The following ST3GAL4 variants were observed in gnomAD, a reference collection of about 807,000 sequenced individuals.
The protein encoded by ST3GAL4 is ST3 beta-galactoside alpha-2,3-sialyltransferase 4.
In ST3GAL4, 24 loss-of-function variants were observed where a neutral mutation model predicts 42.6. That is an observed-to-expected ratio of 0.56 (90% CI 0.41 to 0.79). The LOEUF (loss-of-function observed/expected upper bound fraction) is 0.79, where lower values mean the gene tolerates loss of function less well. ST3GAL4 is among the 30% of genes least tolerant of loss of function. The probability of loss-of-function intolerance (pLI) is 0.00; values close to 1 mark genes in which losing one functional copy is unlikely to be tolerated. For missense variants in ST3GAL4, 311 were observed against 430.8 expected (o/e 0.72, Z 2.46); for synonymous variants, 135 against 163.2 (o/e 0.83, Z 1.32).
Position 126,386,943 on chromosome 11 carries a change from A to G in ST3GAL4, c.-60-19153A>G, listed in dbSNP as rs1057478273. Reference sequence around the variant, plus strand: ...GGAGAAGCCCTGCACCAGAGCATACAGTTTGGCAAGTAGGAGGAGGGCTGG... The same window carrying G: ...GGAGAAGCCCTGCACCAGAGCATACGGTTTGGCAAGTAGGAGGAGGGCTGG... On this transcript the variant is annotated intron_variant, in intron 1 of 10. Transcript: ENST00000444328. This position sits in a 1 kb window ranked among gnomAD's most constrained non-coding sequence, Gnocchi z 4.7. 1.3e-5 allele frequency among the ~76,000 whole-genome samples: 2 copies of G among 151,770 alleles called. No homozygotes were observed. The highest frequency in any genetic ancestry group is 2.9e-5 in the Non-Finnish European group (2 of 67,920).
intron 1 of ST3GAL4, among the ~76,000 whole-genome samples, chr11:126,394,722 G>A (rs1262581649): frequency 6.6e-6 from 1 of 151,954 alleles, no homozygotes; most frequent in Non-Finnish European, 1.5e-5. Context: ...ACGGGGCCCT[G>A]CCCTGGGTAT....
rs892345911 is a variant in ST3GAL4, at chr11:126,392,899, G to A, written c.-60-13197G>A. ...AGAGGAGGCCGGAAGAGAGGTCTGG[G>A]CTTGGGTCCCAACCACTGATTCCAG... On this transcript the variant is annotated intron_variant, in intron 1 of 10. Coordinates refer to ENST00000444328, the MANE Select transcript of ST3GAL4 (RefSeq NM_001254757.2). This position sits in a 1 kb window ranked among gnomAD's most constrained non-coding sequence, Gnocchi z 5.8. Among the ~76,000 whole-genome samples, 2 of 151,904 alleles carry A rather than the reference G, an allele frequency of 1.3e-5. No individual in the cohort carries two copies. The highest frequency in any genetic ancestry group is 2.9e-5 in the Non-Finnish European group (2 of 67,994).
intron 9 of ST3GAL4, among the ~76,000 whole-genome samples, chr11:126,412,639 C>T (rs922676541): frequency 1.3e-5 from 2 of 152,082 alleles, no homozygotes; most frequent in East Asian, 1.9e-4. Flanking sequence ...CCCAGGAGTT[C>T]GAGATCAGCC....
At chr11:126,370,838 G>A (rs941846898) in intron 1 of ST3GAL4, among the ~76,000 whole-genome samples, 2 of 151,888 alleles carry the variant, frequency 1.3e-5, no homozygotes, top group Non-Finnish European at 1.5e-5. Flanking sequence ...CACCACGCTC[G>A]GCTAATTTTT....
At chr11:126,358,393 T>C in intron 1 of ST3GAL4, 1 of 411,666 alleles carries the variant, frequency 2.4e-6, no homozygotes, top group Non-Finnish European at 4.9e-6. Flanking sequence ...TAACCCCCTC[T>C]TCTTTGTTGC....
At chr11:126,408,536 G>A (rs1353097074) in intron 8 of ST3GAL4, 40 bp downstream of exon 8, 11 of 1,607,872 alleles carry the variant, frequency 6.8e-6, no homozygotes, top group Non-Finnish European at 8.5e-6. Context: ...GCCTGGCGGT[G>A]GGGACGCTGC....
intron 1 of ST3GAL4, among the ~76,000 whole-genome samples, chr11:126,367,436 C>G (rs561465480): frequency 1.3e-5 from 2 of 152,240 alleles, no homozygotes; most frequent in East Asian, 3.9e-4. Flanking sequence ...GGGGCAGTGG[C>G]TGAGGACCCC....
In ST3GAL4 at chr11:126,410,053, C is replaced by T. The variant is rs1954450175; in HGVS notation, c.771+642C>T. On this transcript the variant is annotated intron_variant, in intron 9 of 10. Coordinates refer to ENST00000444328, the MANE Select transcript of ST3GAL4 (RefSeq NM_001254757.2). The surrounding 1 kb of genome is among the most constrained non-coding windows in gnomAD (Gnocchi z 5.3). ...GAGTAGCTGTGAGACTACAGGTATG[C>T]ACCATCACGCCTGGCTAATTTTTAA... Among the ~76,000 whole-genome samples, 1 of 152,126 alleles carries T rather than the reference C, an allele frequency of 6.6e-6. No homozygotes were observed.
At chr11:126,371,842 T>C (rs1448988905) in intron 1 of ST3GAL4, among the ~76,000 whole-genome samples, 1 of 152,226 alleles carries the variant, frequency 6.6e-6, no homozygotes, top group East Asian at 1.9e-4. Context: ...TGACTACATA[T>C]TGTGAAGTGC....
In ST3GAL4 at chr11:126,386,485, C is replaced by G. The variant is rs1247884922; in HGVS notation, c.-60-19611C>G. Among the ~76,000 whole-genome samples, 1 of 152,126 alleles carries G rather than the reference C, an allele frequency of 6.6e-6. No homozygotes were observed. The highest frequency in any genetic ancestry group is 1.5e-5 in the Non-Finnish European group (1 of 68,030). On this transcript the variant is annotated intron_variant, in intron 1 of 10. Transcript: ENST00000444328. This position sits in a 1 kb window ranked among gnomAD's most constrained non-coding sequence, Gnocchi z 4.7. ...GGACAGGGGTATTATTCCAGTAGCC[C>G]TTCTGTGGAACAAGTAGGGAAGGAG...
At chr11:126,403,141 C>T (rs1478426767) in intron 1 of ST3GAL4, 2 of 154,792 alleles carry the variant, frequency 1.3e-5, no homozygotes, top group African/African-American at 2.4e-5. Context: ...CAATCCTCAC[C>T]CTCAGCCCCA....
intron 8 of ST3GAL4, chr11:126,408,762 A>C (rs1367235183): frequency 1.3e-5 from 7 of 521,430 alleles, no homozygotes; most frequent in Non-Finnish European, 1.7e-5. Context: ...TGTGACAGGA[A>C]AGCTTTCCGA....
In ST3GAL4 at chr11:126,404,748, C is replaced by A. The variant is rs549705093; in HGVS notation, c.-60-1348C>A. Among the ~76,000 whole-genome samples the A allele has an allele frequency of 4.6e-5, 7 of 152,354 alleles. No individual in the cohort carries two copies. In the South Asian group the frequency reaches 1.4e-3, roughly 32 times the overall value. On this transcript the variant is annotated intron_variant, in intron 1 of 10. Transcript: ENST00000444328. ...GTTTGGGGATGGTGCTTCTGACTCT[C>A]CTGAGGCAGTCTGACCCTGGTCCCT... is the stretch of plus-strand genomic sequence containing the variant.
chr11:126,390,322 AGTTT>A (rs963391803), intron 1 of ST3GAL4, among the ~76,000 whole-genome samples: 1 of 140,130 alleles, frequency 7.1e-6, no homozygotes, highest in African/African-American at 2.5e-5. Flanking sequence ...TAGTGTTTCC[AGTTT>A]GTTTGTTTTT....
At position 126,405,638 on chromosome 11, in the gene ST3GAL4, C is replaced by T. The variant is rs569728837; in HGVS notation, c.-60-458C>T. ...CAGGCAGTGACCAGACCAAGAGACGCCTTGGATGGTGGAGAATAGGTGACC... is the reference window on the plus strand; with the variant it reads ...CAGGCAGTGACCAGACCAAGAGACGTCTTGGATGGTGGAGAATAGGTGACC... On this transcript the variant is annotated intron_variant, in intron 1 of 10. Transcript: ENST00000444328. 6 of 193,084 alleles carry T rather than the reference C, an allele frequency of 3.1e-5. No individual in the cohort carries two copies. In the South Asian group the frequency reaches 5.8e-4, roughly 19 times the overall value. The allele number at this position is 193,084 out of a possible 1,614,324, so 12.0% of individuals were successfully genotyped here.
chr11:126,407,153 G>A, intron 4 of ST3GAL4, 99 bp from the exon 5 acceptor site: 1 of 1,487,330 alleles, frequency 6.7e-7, no homozygotes, highest in Non-Finnish European at 9.4e-7. Flanking sequence ...GCCAGGGAGG[G>A]AAGAGAAGGC....
intron 1 of ST3GAL4, among the ~76,000 whole-genome samples, chr11:126,357,912 T>A (rs534859979): frequency 6.6e-6 from 1 of 152,330 alleles, no homozygotes; most frequent in African/African-American, 2.4e-5. Context: ...AGGGAAGGGA[T>A]CCCTCTATCT....
At chr11:126,381,980 C>A (rs1355721908) in intron 1 of ST3GAL4, among the ~76,000 whole-genome samples, 1 of 152,056 alleles carries the variant, frequency 6.6e-6, no homozygotes, top group Non-Finnish European at 1.5e-5. Context: ...CCCCTCCCAG[C>A]CCACTCATCC....
At chr11:126,413,862 C>T in intron 10 of ST3GAL4, 99 bp from the exon 11 acceptor site, 1 of 1,476,966 alleles carries the variant, frequency 6.8e-7, no homozygotes, top group African/African-American at 1.4e-5. Context: ...AAGGGAGCTC[C>T]CAAGAAGTGT....
Sources: gnomAD v4.1 joint callset for allele counts (sites outside exome capture counted in the v4.1 genomes callset) on GRCh38, gnomAD v4.1.1 for gene constraint, Gnocchi (gnomAD v3.1) non-coding constraint, MANE v1.5 for transcripts, NCBI Gene and HGNC (gene_info 2026-07-23, HGNC 2026-07-21) for gene names.